The following TNFRSF10D variants were observed in gnomAD, a reference collection of about 807,000 sequenced individuals.
TNFRSF10D encodes tumor necrosis factor receptor superfamily member 10D.
TNFRSF10D carries 28 observed loss-of-function variants against 42.1 expected under a neutral mutation model. That is an observed-to-expected ratio of 0.66 (90% CI 0.49 to 0.91). TNFRSF10D has a LOEUF of 0.91. Among genes scored for constraint, TNFRSF10D ranks in the 40% least tolerant of loss-of-function variants. The pLI is 0.00. For synonymous variants in TNFRSF10D, 186 were observed against 189.4 expected (o/e 0.98, Z 0.15); for missense variants, 503 against 486.1 (o/e 1.03, Z -0.33).
chr8:23,160,178 T>C (rs10087898), intron 1 of TNFRSF10D, among the ~76,000 whole-genome samples: 25,410 of 152,084 alleles, frequency 0.17, 2,788 homozygotes, highest in East Asian at 0.56. Context: ...GGAAGCAGGA[T>C]TCACATGGGG....
chr8:23,137,965 C>A lies in TNFRSF10D; in HGVS notation c.1066G>T (p.Gly356Ter). ...LLDASATLEEGHAKETIQDQL... is the reference protein window; with the variant it reads ...LLDASATLEE ...TCCTGAATTGTTTCCTTTGCATGTC[C>A]TTCTTCCAGTGTTGCCGAGGCATCC... The change falls in exon 9 of 9, where the codon GGA (glycine) becomes TGA (stop). Residue 356 changes from glycine to a stop codon, truncating the protein, a stop_gained. Coordinates refer to ENST00000312584, the MANE Select transcript of TNFRSF10D (RefSeq NM_003840.5). LOFTEE classifies it low-confidence loss of function (END_TRUNC). 6.2e-7 allele frequency: 1 copy of A among 1,614,242 alleles called. No homozygotes were observed. Among genetic ancestry groups the A allele is most frequent in the Middle Eastern group, 1.6e-4 (1 of 6,062 alleles).
Position 23,137,814 on chromosome 8 carries a change from C to T in TNFRSF10D, c.*56G>A. On this transcript the variant is annotated 3_prime_UTR_variant, in exon 9 of 9. Transcript: ENST00000312584. Reference sequence around the variant, plus strand: ...CTGGACTGTTTCTTCCAGGCTGCTTCCCTTTGTAGGAGAAAAGGTAAATGA... The same window carrying T: ...CTGGACTGTTTCTTCCAGGCTGCTTTCCTTTGTAGGAGAAAAGGTAAATGA... 6.4e-7 allele frequency: 1 copy of T among 1,574,128 alleles called. No homozygotes were observed.
chr8:23,147,090 G>A lies in TNFRSF10D; in HGVS notation c.371-18C>T, dbSNP rs778080987. Reference sequence around the variant, plus strand: ...TGTTTGACCTGACAACAGAGCATAAGGTTTTGAGAATGTGTTTCCCTGACA... The same window carrying A: ...TGTTTGACCTGACAACAGAGCATAAAGTTTTGAGAATGTGTTTCCCTGACA... On this transcript the variant is annotated intron_variant, in intron 3 of 8. Coordinates refer to ENST00000312584, the MANE Select transcript of TNFRSF10D (RefSeq NM_003840.5). The A allele has an allele frequency of 4.4e-6, 7 of 1,605,382 alleles. No homozygotes were observed. The South Asian group carries it at 4.4e-5, about 10-fold the overall frequency.
chr8:23,152,306 A>G (rs1366993067), intron 2 of TNFRSF10D, among the ~76,000 whole-genome samples: 2 of 152,232 alleles, frequency 1.3e-5, no homozygotes, highest in Non-Finnish European at 2.9e-5. Flanking sequence ...GTCCGAGGAC[A>G]CTAACCGGTG....
chr8:23,149,490 C>T (rs530801910), intron 2 of TNFRSF10D, among the ~76,000 whole-genome samples: 18 of 150,314 alleles, frequency 1.2e-4, no homozygotes, highest in African/African-American at 4.0e-4. Flanking sequence ...CCACCCTCCT[C>T]GGCTTCCCAA....
chr8:23,150,135 C>T (rs1800195780), intron 2 of TNFRSF10D, among the ~76,000 whole-genome samples: 1 of 152,164 alleles, frequency 6.6e-6, no homozygotes. Context: ...GGATCCTGAC[C>T]CACCTCCATA....
chr8:23,158,375 C>A lies in TNFRSF10D; in HGVS notation c.151-3396G>T, dbSNP rs891833409. Reference sequence around the variant, plus strand: ...TCATGTGATACTGAGATAGCCACGGCAGTTTTCTTGGCCTTACACTCTGCG... The same window carrying A: ...TCATGTGATACTGAGATAGCCACGGAAGTTTTCTTGGCCTTACACTCTGCG... On this transcript the variant is annotated intron_variant, in intron 1 of 8. Coordinates refer to ENST00000312584, the MANE Select transcript of TNFRSF10D (RefSeq NM_003840.5). Among the ~76,000 whole-genome samples, 4 of 152,208 alleles carry A rather than the reference C, an allele frequency of 2.6e-5. 1 individual carries two copies. The highest frequency in any genetic ancestry group is 5.9e-5 in the Non-Finnish European group (4 of 68,032).
chr8:23,162,157 C>T (rs186862984), intron 1 of TNFRSF10D, among the ~76,000 whole-genome samples: 129 of 152,266 alleles, frequency 8.5e-4, no homozygotes, highest in African/African-American at 3.0e-3. Context: ...GTGCTAGCTC[C>T]AAAATTTTAA....
At chr8:23,152,290 T>C (rs1310742718) in intron 2 of TNFRSF10D, among the ~76,000 whole-genome samples, 912 of 152,182 alleles carry the variant, frequency 6.0e-3, no homozygotes, top group African/African-American at 0.019. Context: ...AGTGGGGAGC[T>C]ATCCAGTCCG....
At position 23,135,931 on chromosome 8, in the gene TNFRSF10D, C is replaced by A; in HGVS notation, c.*1939G>T. On this transcript the variant is annotated 3_prime_UTR_variant, in exon 9 of 9. Coordinates refer to ENST00000312584, the MANE Select transcript of TNFRSF10D (RefSeq NM_003840.5). ...AGGAGGCAGCAGCACCCTGTGTCAT[C>A]CAGAAGTGCAGGGGACAAGGTGTGG... 4.5e-6 allele frequency: 2 copies of A among 448,782 alleles called. No homozygotes were observed. The highest frequency in any genetic ancestry group is 1.6e-5 in the South Asian group (1 of 63,688). The allele number at this position is 448,782 out of a possible 1,614,324, so 27.8% of individuals were successfully genotyped here.
At chr8:23,142,443 G>A (rs1157178806) in intron 7 of TNFRSF10D, among the ~76,000 whole-genome samples, 1 of 152,200 alleles carries the variant, frequency 6.6e-6, no homozygotes, top group Non-Finnish European at 1.5e-5. Context: ...CATATTGTTT[G>A]CAGCCACATG....
chr8:23,135,892 C>A lies in TNFRSF10D; in HGVS notation c.*1978G>T. On this transcript the variant is annotated 3_prime_UTR_variant, in exon 9 of 9. Coordinates refer to ENST00000312584, the MANE Select transcript of TNFRSF10D (RefSeq NM_003840.5). ...CAAGTCTCCTGCACAGAAGGCCCAG[C>A]AAAGGCAAAGACTAGGAGGCAGCAG... 8.8e-6 allele frequency: 4 copies of A among 452,192 alleles called. No individual in the cohort carries two copies. Among genetic ancestry groups the A allele is most frequent in the South Asian group, 6.2e-5 (4 of 64,236 alleles). The allele number at this position is 452,192 out of a possible 1,614,324, so 28.0% of individuals were successfully genotyped here. A position where few individuals can be genotyped will look rare whatever the true frequency, so the allele number is the denominator to read the frequency against.
chr8:23,157,875 G>A (rs887357898), intron 1 of TNFRSF10D, among the ~76,000 whole-genome samples: 7 of 152,280 alleles, frequency 4.6e-5, no homozygotes, highest in Middle Eastern at 3.4e-3. Context: ...AGTGTTGGGC[G>A]ACCATCAGGT....
Position 23,155,457 on chromosome 8 carries a change from G to A in TNFRSF10D, c.151-478C>T, listed in dbSNP as rs184659142. On this transcript the variant is annotated intron_variant, in intron 1 of 8. Coordinates refer to ENST00000312584, the MANE Select transcript of TNFRSF10D (RefSeq NM_003840.5). The stretch of plus-strand genomic sequence containing the variant: ...ACAAAAGGCCAGGCGCGGTGGCTCA[G>A]GCCTGTAATCACAGCACTTTGGGAG... Among the ~76,000 whole-genome samples the A allele has an allele frequency of 5.3e-5, 8 of 151,616 alleles. No individual in the cohort carries two copies. In the East Asian group the frequency reaches 1.4e-3, roughly 26 times the overall value.
At position 23,136,372 on chromosome 8, in the gene TNFRSF10D, C is replaced by T. The variant is rs929316340; in HGVS notation, c.*1498G>A. 3 of 191,280 alleles carry T rather than the reference C, an allele frequency of 1.6e-5. No homozygotes were observed. The highest frequency in any genetic ancestry group is 3.2e-5 in the Non-Finnish European group (3 of 92,492). The allele number at this position is 191,280 out of a possible 1,614,324, so 11.8% of individuals were successfully genotyped here. On this transcript the variant is annotated 3_prime_UTR_variant, in exon 9 of 9. Coordinates refer to ENST00000312584, the MANE Select transcript of TNFRSF10D (RefSeq NM_003840.5). ...AGCTCCTCAAACAGGGAATCTGTAC[C>T]CTAAAACGCAGCTCAGGAATCTCTG... is the stretch of plus-strand genomic sequence containing the variant.
chr8:23,154,785 A>G, intron 2 of TNFRSF10D, 89 bp downstream of exon 2: 1 of 1,376,104 alleles, frequency 7.3e-7, no homozygotes, highest in South Asian at 1.3e-5. Context: ...ATGCGTGCAT[A>G]TTTCCAAACA....
chr8:23,154,065 G>A (rs1187950480), intron 2 of TNFRSF10D, among the ~76,000 whole-genome samples: 1 of 152,236 alleles, frequency 6.6e-6, no homozygotes, highest in African/African-American at 2.4e-5. Flanking sequence ...TCTGTCATTT[G>A]TGACAGCATG....
At chr8:23,151,703 ATTG>A (rs1307579185) in intron 2 of TNFRSF10D, among the ~76,000 whole-genome samples, 27 of 152,222 alleles carry the variant, frequency 1.8e-4, no homozygotes. Flanking sequence ...TCAAAGATAA[ATTG>A]TTATCAGTGT....
intron 2 of TNFRSF10D, among the ~76,000 whole-genome samples, chr8:23,151,406 A>AAG (rs1284892853): frequency 2.6e-5 from 4 of 151,972 alleles, no homozygotes; most frequent in African/African-American, 4.8e-5. Context: ...AGAAATGTTA[A>AAG]AGAGAGTTAT....
Sources: allele counts gnomAD v4.1 joint callset (sites outside exome capture counted in the v4.1 genomes callset), GRCh38; gene constraint gnomAD v4.1.1; transcripts MANE v1.5; gene names NCBI Gene and HGNC (gene_info 2026-07-23, HGNC 2026-07-21).